The following EBF1 variants were observed in gnomAD, a reference collection of about 807,000 sequenced individuals.
EBF1 encodes the protein transcription factor COE1.
A neutral mutation model predicts 68.4 loss-of-function variants in EBF1; 10 were observed. That is an observed-to-expected ratio of 0.15 (90% confidence interval 0.09 to 0.25). EBF1 has a LOEUF of 0.25. EBF1 is among the 10% of genes least tolerant of loss of function. The probability of loss-of-function intolerance (pLI) is 1.00; values close to 1 mark genes in which losing one functional copy is unlikely to be tolerated. For synonymous variants in EBF1, 298 were observed against 299.8 expected, an observed-to-expected ratio of 0.99 and a Z score of 0.06; for missense variants, 509 against 794.4, an observed-to-expected ratio of 0.64 and a Z score of 4.32.
chr5:158,895,882 G>A (rs1362393456), intron 6 of EBF1, among the ~76,000 whole-genome samples: 1 of 152,128 alleles, frequency 6.6e-6, no homozygotes, highest in Non-Finnish European at 1.5e-5. Flanking sequence ...CATACTTTTG[G>A]AACTATTGAC....
At position 158,965,428 on chromosome 5, in the gene EBF1, C is replaced by A. The variant is rs570972830; in HGVS notation, c.554+107968G>T. On this transcript the variant is annotated intron_variant, in intron 6 of 15. Coordinates refer to ENST00000313708, the MANE Select transcript of EBF1 (RefSeq NM_024007.5). ...GAAAGATCCCAATTGTACTTTCATTCCTAGGAAGATTAATATCATGCAGAA... is the reference window on the plus strand; with the variant it reads ...GAAAGATCCCAATTGTACTTTCATTACTAGGAAGATTAATATCATGCAGAA... Among the ~76,000 whole-genome samples the A allele has an allele frequency of 2.6e-5, 4 of 152,262 alleles. No homozygotes were observed. In the South Asian group the frequency reaches 8.3e-4, roughly 32 times the overall value.
chr5:158,980,510 C>T (rs1459039141), intron 6 of EBF1, among the ~76,000 whole-genome samples: 1 of 152,184 alleles, frequency 6.6e-6, no homozygotes, highest in Admixed American at 6.5e-5. Context: ...AACCAGCACA[C>T]TCAACCCCAA....
chr5:159,020,849 TAAC>T (rs200509576), intron 6 of EBF1, among the ~76,000 whole-genome samples: 2,206 of 152,296 alleles, frequency 0.014, 32 homozygotes, highest in Admixed American at 0.043. Flanking sequence ...GGATAAGTAA[TAAC>T]AATTAATTAG....
chr5:158,762,439 G>A (rs1270105306), intron 10 of EBF1, among the ~76,000 whole-genome samples: 1 of 152,162 alleles, frequency 6.6e-6, no homozygotes, highest in Non-Finnish European at 1.5e-5. Flanking sequence ...TTTTTAGGAA[G>A]GCCTGGAAAC....
chr5:158,804,036 C>G (rs1781124752), intron 8 of EBF1, among the ~76,000 whole-genome samples: 1 of 142,776 alleles, frequency 7.0e-6, no homozygotes, highest in East Asian at 2.1e-4. Context: ...TCTCTCCATA[C>G]TAGATGCAAT....
In EBF1 at chr5:158,910,504, T is replaced by C. The variant is rs551459895; in HGVS notation, c.555-70394A>G. 1.5e-4 allele frequency among the ~76,000 whole-genome samples: 23 copies of C among 152,366 alleles called. 1 individual carries two copies. The South Asian group carries it at 4.8e-3, about 32-fold the overall frequency. Reference sequence around the variant, plus strand: ...CAGAGAACTGTGAGATTCAATTACTTTGGTGAAATTAGATCCTATACTAAA... The same window carrying C: ...CAGAGAACTGTGAGATTCAATTACTCTGGTGAAATTAGATCCTATACTAAA... On this transcript the variant is annotated intron_variant, in intron 6 of 15. Coordinates refer to ENST00000313708, the MANE Select transcript of EBF1 (RefSeq NM_024007.5).
In EBF1 at chr5:158,880,333, A is replaced by G. The variant is rs893954423; in HGVS notation, c.555-40223T>C. Among the ~76,000 whole-genome samples, 8 of 152,356 alleles carry G rather than the reference A, an allele frequency of 5.3e-5. No individual in the cohort carries two copies. In the South Asian group the frequency reaches 1.7e-3, roughly 32 times the overall value. On this transcript the variant is annotated intron_variant, in intron 6 of 15. Transcript: ENST00000313708. ...CGCAGCTTTAGAAAAATGGATAAAG[A>G]TACCATGAGAGAGCTCAACATTAAT...
chr5:158,698,515 T>C lies in EBF1; in HGVS notation c.*596A>G, dbSNP rs1254493991. ...AAGCTTGCACTGCTAAGGGGTGGCA[T>C]GTTAAGTTAGATATTGAAAATGCAC... On this transcript the variant is annotated 3_prime_UTR_variant, in exon 16 of 16. Coordinates refer to ENST00000313708, the MANE Select transcript of EBF1 (RefSeq NM_024007.5). 2 of 220,360 alleles carry C rather than the reference T, an allele frequency of 9.1e-6. No individual in the cohort carries two copies. The highest frequency in any genetic ancestry group is 1.2e-4 in the Admixed American group (2 of 17,314). 13.7% of individuals were successfully genotyped at this position (220,360 alleles called of 1,614,324 possible).
intron 10 of EBF1, among the ~76,000 whole-genome samples, chr5:158,753,593 A>C (rs1337459289): frequency 7.2e-5 from 11 of 152,140 alleles, no homozygotes; most frequent in Admixed American, 7.2e-4. Flanking sequence ...GAAATCAATC[A>C]ACCAGATATT....
chr5:159,064,650 G>C lies in EBF1; in HGVS notation c.554+8746C>G, dbSNP rs527727585. On this transcript the variant is annotated intron_variant, in intron 6 of 15. Coordinates refer to ENST00000313708, the MANE Select transcript of EBF1 (RefSeq NM_024007.5). ...CCAGGATTCAGATGCTGGTCTTCAC[G>C]AGCCAGATCAGGGCACTCCCATTTC... Among the ~76,000 whole-genome samples, 5 of 152,220 alleles carry C rather than the reference G, an allele frequency of 3.3e-5. No individual in the cohort carries two copies. The South Asian group carries it at 1.0e-3, about 32-fold the overall frequency.
intron 6 of EBF1, among the ~76,000 whole-genome samples, chr5:159,051,622 G>A (rs967243304): frequency 6.6e-6 from 1 of 151,620 alleles, no homozygotes; most frequent in Non-Finnish European, 1.5e-5. Context: ...CAGTGCGCTC[G>A]GCACCAGGGC....
chr5:159,046,888 A>G (rs1351810648), intron 6 of EBF1, among the ~76,000 whole-genome samples: 2 of 152,212 alleles, frequency 1.3e-5, no homozygotes, highest in Non-Finnish European at 2.9e-5. Context: ...ATATCACTGA[A>G]CAGAGCTGGG....
At chr5:159,070,318 A>T (rs540912286) in intron 6 of EBF1, among the ~76,000 whole-genome samples, 1 of 152,292 alleles carries the variant, frequency 6.6e-6, no homozygotes, top group East Asian at 1.9e-4. Flanking sequence ...TGACTTGACA[A>T]ATTGTCATGA....
chr5:158,823,192 G>A lies in EBF1; in HGVS notation c.762C>T (p.Pro254=), dbSNP rs922798108. The A allele has an allele frequency of 1.2e-6, 2 of 1,613,936 alleles. No individual in the cohort carries two copies. The highest frequency in any genetic ancestry group is 1.7e-5 in the Admixed American group (1 of 59,990). The change falls in exon 8 of 16, where the codon CCC becomes CCT. Residue 254 remains proline (P), a synonymous_variant. Transcript: ENST00000313708. ...TTCGCCTACCATGTTCCAGATAAGA[G>A]GGCGTACCTTCCGAGGGGTCAAGCC... ...ARRLDPSEGT[P]SYLEHATPCI...
intron 6 of EBF1, among the ~76,000 whole-genome samples, chr5:158,847,415 G>GA (rs1791736300): frequency 6.6e-6 from 1 of 152,156 alleles, no homozygotes; most frequent in Non-Finnish European, 1.5e-5. Flanking sequence ...AATGGGGAAA[G>GA]AAAAAATTAC....
At chr5:159,080,426 C>G (rs1779551079) in intron 5 of EBF1, among the ~76,000 whole-genome samples, 1 of 152,170 alleles carries the variant, frequency 6.6e-6, no homozygotes, top group Non-Finnish European at 1.5e-5. Flanking sequence ...TTCCCTGGCT[C>G]TCCGTTTTTG....
At chr5:159,050,788 G>A (rs971259194) in intron 6 of EBF1, among the ~76,000 whole-genome samples, 11 of 152,300 alleles carry the variant, frequency 7.2e-5, no homozygotes, top group Admixed American at 7.2e-4. Context: ...GAAACCCAGC[G>A]GCAAGCAAGA....
At chr5:158,864,390 T>C (rs1054541253) in intron 6 of EBF1, among the ~76,000 whole-genome samples, 1 of 152,146 alleles carries the variant, frequency 6.6e-6, no homozygotes. Flanking sequence ...GGGAAACTGC[T>C]GTAAAAATGA....
At chr5:158,956,502 C>T (rs1817127684) in intron 6 of EBF1, among the ~76,000 whole-genome samples, 1 of 152,012 alleles carries the variant, frequency 6.6e-6, no homozygotes, top group African/African-American at 2.4e-5. Context: ...CGCACGCACA[C>T]TTTCAGATAT....
Sources: gnomAD v4.1 joint callset for allele counts (sites outside exome capture counted in the v4.1 genomes callset) on GRCh38, gnomAD v4.1.1 for gene constraint, MANE v1.5 for transcripts, NCBI Gene and HGNC (gene_info 2026-07-23, HGNC 2026-07-21) for gene names.